NRK: variants seen among roughly 807,000 people sequenced by gnomAD.
NRK encodes the protein nik-related protein kinase.
A neutral mutation model predicts 125.2 loss-of-function variants in NRK; 67 were observed. That is an observed-to-expected ratio of 0.54 (90% CI 0.44 to 0.66). The LOEUF (loss-of-function observed/expected upper bound fraction) is 0.66. Ranked by LOEUF, NRK falls within the 30% of genes least tolerant of loss-of-function variation. The pLI is 0.00. For missense variants in NRK, 1,224 were observed against 1,192.9 expected (o/e 1.03, Z -0.38); for synonymous variants, 458 against 429.0 (o/e 1.07, Z -0.84).
At chrX:105,904,149 A>G (rs891487041) in intron 9 of NRK, among the ~76,000 whole-genome samples, 12 of 111,838 alleles carry the variant, frequency 1.1e-4, no homozygotes, top group Non-Finnish European at 1.9e-4. Flanking sequence ...ATCAAGAGTC[A>G]TTAATATCAA....
intron 26 of NRK, chrX:105,948,587 C>G: frequency 2.2e-6 from 1 of 457,364 alleles, no homozygotes; most frequent in Non-Finnish European, 3.8e-6. Context: ...ACCTTCTTTC[C>G]TGCAATTTCT....
At chrX:105,855,007 G>A (rs2039515370) in intron 2 of NRK, among the ~76,000 whole-genome samples, 1 of 111,911 alleles carries the variant, frequency 8.9e-6, no homozygotes, top group South Asian at 3.7e-4. Flanking sequence ...GCAGGCAAAG[G>A]ACTTAAGTTG....
chrX:105,905,242 A>C, intron 9 of NRK, 23 bp from the exon 10 acceptor site: 1 of 1,155,262 alleles, frequency 8.7e-7, no homozygotes, highest in East Asian at 3.0e-5. Flanking sequence ...ATTCTTTCTA[A>C]ATTTATCTAT....
At chrX:105,833,058 C>G (rs144314211) in intron 2 of NRK, among the ~76,000 whole-genome samples, 2,169 of 110,610 alleles carry the variant, frequency 0.02, 36 homozygotes, top group African/African-American at 0.068. Flanking sequence ...AAATAATAAA[C>G]TAAATAAAGC....
chrX:105,860,935 C>G (rs2039593823), intron 2 of NRK, among the ~76,000 whole-genome samples: 1 of 110,770 alleles, frequency 9.0e-6, no homozygotes, highest in South Asian at 3.9e-4. Context: ...GTTGACATGA[C>G]CATTCATATA....
In NRK at chrX:105,905,354, A is replaced by T. The variant is rs369229675; in HGVS notation, c.845+11A>T. 3.5e-6 allele frequency: 4 copies of T among 1,130,744 alleles called. No homozygotes were observed. Among genetic ancestry groups the T allele is most frequent in the Non-Finnish European group, 4.8e-6 (4 of 825,035 alleles). 93.2% of individuals were successfully genotyped at this position (1,130,744 alleles called of 1,213,427 possible). A position where few individuals can be genotyped will look rare whatever the true frequency, so the allele number is the denominator to read the frequency against. ...CAAATCCAGCGGATGGTAAAGATGA[A>T]TGTCTTAATCTCCTAATTACATTGA... On this transcript the variant is annotated intron_variant, in intron 10 of 28. Transcript: ENST00000243300.
In NRK at chrX:105,946,465, G is replaced by A; in HGVS notation, c.4353+1G>A. On this transcript the variant is annotated splice_donor_variant, in intron 26 of 28. Transcript: ENST00000243300. LOFTEE classifies it high-confidence loss of function. Reference sequence around the variant, plus strand: ...GTCTGATGTGACCCTGCCAAAGAATGTAAGATAACACCTTCAGATTCCTAG... The same window carrying A: ...GTCTGATGTGACCCTGCCAAAGAATATAAGATAACACCTTCAGATTCCTAG... The A allele has an allele frequency of 8.6e-7, 1 of 1,163,216 alleles. No individual in the cohort carries two copies. The highest frequency in any genetic ancestry group is 1.2e-6 in the Non-Finnish European group (1 of 858,582).
In NRK at chrX:105,900,678, T is replaced by TA; in HGVS notation, c.766+12dup. 1.9e-6 allele frequency: 2 copies of TA among 1,066,439 alleles called. No homozygotes were observed. Among genetic ancestry groups the TA allele is most frequent in the Non-Finnish European group, 2.6e-6 (2 of 768,622 alleles). The allele number at this position is 1,066,439 out of a possible 1,213,427, so 87.9% of individuals were successfully genotyped here. On this transcript the variant is annotated splice_region_variant and intron_variant, in intron 9 of 28. Transcript: ENST00000243300. ...AATGGCTGAAGGAGCCCCTCGTGAG[T>TA]AAAAAATGTTTGATATTTGTTAAAG... is the stretch of plus-strand genomic sequence containing the variant.
At chrX:105,885,541 T>C (rs1248975851) in intron 4 of NRK, among the ~76,000 whole-genome samples, 2 of 112,561 alleles carry the variant, frequency 1.8e-5, no homozygotes, top group East Asian at 2.8e-4. Flanking sequence ...AAAAGTGTAA[T>C]TGTTTTCAAA....
intron 2 of NRK, among the ~76,000 whole-genome samples, chrX:105,841,615 G>C (rs1438883063): frequency 2.7e-5 from 3 of 111,303 alleles, no homozygotes; most frequent in African/African-American, 9.8e-5. Context: ...AGCACTGCCA[G>C]TAACATTTTG....
At chrX:105,893,155 T>G (rs2147725096) in intron 5 of NRK, among the ~76,000 whole-genome samples, 1 of 111,818 alleles carries the variant, frequency 8.9e-6, no homozygotes, top group South Asian at 3.7e-4. Flanking sequence ...AGTTTATTAA[T>G]ACAATAAAAT....
chrX:105,948,123 T>C (rs1188729052), intron 26 of NRK, among the ~76,000 whole-genome samples: 5 of 111,463 alleles, frequency 4.5e-5, no homozygotes, highest in African/African-American at 1.6e-4. Flanking sequence ...AAGAAGCTAG[T>C]GCAGTATTGA....
At chrX:105,941,921 T>G (rs970928255) in intron 23 of NRK, among the ~76,000 whole-genome samples, 2 of 110,494 alleles carry the variant, frequency 1.8e-5, no homozygotes, top group African/African-American at 6.6e-5. Context: ...CCTTCTTTAC[T>G]TCCCCCTCTA....
intron 26 of NRK, 29 bp from the exon 27 acceptor site, chrX:105,949,546 A>C: frequency 1.8e-6 from 2 of 1,128,837 alleles, no homozygotes; most frequent in South Asian, 1.9e-5. Flanking sequence ...AATATTGGAC[A>C]TATAAATCTT....
chrX:105,846,729 T>C (rs758473568), intron 2 of NRK, among the ~76,000 whole-genome samples: 7 of 111,641 alleles, frequency 6.3e-5, no homozygotes, highest in Admixed American at 5.7e-4. Flanking sequence ...TCATCAACTC[T>C]CTTTCTAGTT....
At chrX:105,944,756 TG>T (rs779988611) in intron 24 of NRK, among the ~76,000 whole-genome samples, 2 of 111,478 alleles carry the variant, frequency 1.8e-5, no homozygotes, top group South Asian at 7.6e-4. Flanking sequence ...CCACAATATG[TG>T]GGTATGGGAA....
chrX:105,857,595 A>C (rs2039547025), intron 2 of NRK, among the ~76,000 whole-genome samples: 1 of 111,588 alleles, frequency 9.0e-6, no homozygotes, highest in African/African-American at 3.3e-5. Context: ...TTAAAGAAAA[A>C]AATCCCCCCC....
At chrX:105,939,606 G>T (rs1027915005) in intron 22 of NRK, among the ~76,000 whole-genome samples, 11 of 110,810 alleles carry the variant, frequency 9.9e-5, no homozygotes, top group African/African-American at 3.6e-4. Flanking sequence ...CATAGTGGAA[G>T]GCTTAACTTG....
At chrX:105,840,085 A>G (rs915847425) in intron 2 of NRK, among the ~76,000 whole-genome samples, 2 of 111,827 alleles carry the variant, frequency 1.8e-5, no homozygotes, top group African/African-American at 6.5e-5. Context: ...GAATATTTCT[A>G]TCTTGGCCGT....
Sources: gnomAD v4.1 joint callset for allele counts (sites outside exome capture counted in the v4.1 genomes callset) on GRCh38, gnomAD v4.1.1 for gene constraint, MANE v1.5 for transcripts, NCBI Gene and HGNC (gene_info 2026-07-23, HGNC 2026-07-21) for gene names.